NDRG1: variants seen among roughly 807,000 people sequenced by gnomAD.
The protein encoded by NDRG1 is protein NDRG1.
In NDRG1, 32 loss-of-function variants were observed where a neutral mutation model predicts 56.9. The ratio of observed to expected loss-of-function variants is 0.56; its 90% confidence interval spans 0.42 to 0.76. NDRG1 has a LOEUF of 0.76. Ranked by LOEUF, NDRG1 falls within the 30% of genes least tolerant of loss-of-function variation. NDRG1 has a pLI of 0.00. For synonymous variants in NDRG1, 211 were observed against 204.1 expected, an observed-to-expected ratio of 1.03 and a Z score of -0.29; for missense variants, 507 against 545.7, an observed-to-expected ratio of 0.93 and a Z score of 0.71.
At chr8:133,256,980 A>G (rs910188216) in intron 7 of NDRG1, 117 bp from the exon 8 acceptor site, 2 of 963,560 alleles carry the variant, frequency 2.1e-6, no homozygotes, top group African/African-American at 3.2e-5. Context: ...TGGGCAGCAG[A>G]GCAGGCTGCT....
intron 3 of NDRG1, chr8:133,265,018 G>A: frequency 2.9e-6 from 1 of 347,428 alleles, no homozygotes; most frequent in Non-Finnish European, 5.6e-6. Context: ...TGGCCCCACA[G>A]GTTACTGTAC....
chr8:133,296,797 G>T lies in NDRG1; in HGVS notation c.-19+337C>A, dbSNP rs538204324. On this transcript the variant is annotated intron_variant, in intron 1 of 15. Transcript: ENST00000323851. ...CTGCCAGCGGCGCCAGCTGGGATTCGGAGACGACGCCAGGAAACGCTATCC... is the reference window on the plus strand; with the variant it reads ...CTGCCAGCGGCGCCAGCTGGGATTCTGAGACGACGCCAGGAAACGCTATCC... 1.4e-3 allele frequency: 322 copies of T among 227,376 alleles called. 2 individuals carry two copies. Among genetic ancestry groups the T allele is most frequent in the Non-Finnish European group, 2.6e-3 (276 of 107,370 alleles). The allele number at this position is 227,376 out of a possible 1,614,324, so 14.1% of individuals were successfully genotyped here. A position where few individuals can be genotyped will look rare whatever the true frequency, so the allele number is the denominator to read the frequency against.
Position 133,280,226 on chromosome 8 carries a change from A to T in NDRG1, c.99+6T>A. ...AAGGGGAAGGAAAGCCACATCCTCT[A>T]CTTGCCTGGACATCAAACTCTTGCA... On this transcript the variant is annotated splice_donor_region_variant and intron_variant, in intron 3 of 15. Coordinates refer to ENST00000323851, the MANE Select transcript of NDRG1 (RefSeq NM_006096.4). 6.2e-7 allele frequency: 1 copy of T among 1,614,096 alleles called. No individual in the cohort carries two copies. Among genetic ancestry groups the T allele is most frequent in the Non-Finnish European group, 8.5e-7 (1 of 1,179,964 alleles).
In NDRG1 at chr8:133,239,136, C is replaced by T; in HGVS notation, c.944-17G>A. 3.2e-6 allele frequency: 5 copies of T among 1,551,762 alleles called. No homozygotes were observed. The highest frequency in any genetic ancestry group is 4.4e-6 in the Non-Finnish European group (5 of 1,147,350). On this transcript the variant is annotated splice_polypyrimidine_tract_variant and intron_variant, in intron 15 of 15. Coordinates refer to ENST00000323851, the MANE Select transcript of NDRG1 (RefSeq NM_006096.4). Reference sequence around the variant, plus strand: ...CCGAGGGCACTAGGGGAACAAGAGACAGCCGGTTAGAGGGCAGGAGACTGC... The same window carrying T: ...CCGAGGGCACTAGGGGAACAAGAGATAGCCGGTTAGAGGGCAGGAGACTGC...
At chr8:133,284,523 G>C (rs1263181960) in intron 1 of NDRG1, among the ~76,000 whole-genome samples, 194 bp from the exon 2 acceptor site, 2 of 152,158 alleles carry the variant, frequency 1.3e-5, no homozygotes, top group Non-Finnish European at 2.9e-5. Flanking sequence ...TCTTCCCATT[G>C]GGGCCAGCGC....
At chr8:133,254,647 A>G in intron 8 of NDRG1, 52 bp from the exon 9 acceptor site, 1 of 1,590,238 alleles carries the variant, frequency 6.3e-7, no homozygotes, top group East Asian at 2.2e-5. Flanking sequence ...ACAGTAGTTA[A>G]CAAGGTCAGC....
Position 133,250,444 on chromosome 8 carries a change from T to G in NDRG1, c.694A>C (p.Asn232His), listed in dbSNP as rs1227569374. 2 of 1,612,822 alleles carry G rather than the reference T, an allele frequency of 1.2e-6. No homozygotes were observed. Reference sequence around the variant, plus strand: ...GGCTGAACTACATCCCAATACCTGTTGTAGGCATTGATGAACAGGTGCAGG... The same window carrying G: ...GGCTGAACTACATCCCAATACCTGTGGTAGGCATTGATGAACAGGTGCAGG... ...GNLHLFINAY[N>H]SRRDLEIERP... Residue 232 changes from asparagine (N) to histidine (H), a missense_variant, in exon 10 of 16, where the codon AAC (asparagine) becomes CAC (histidine). Asn to His is a moderately conservative substitution (Grantham distance 68). Transcript: ENST00000323851.
chr8:133,295,792 T>C (rs1361553368), intron 1 of NDRG1, among the ~76,000 whole-genome samples: 3 of 152,196 alleles, frequency 2.0e-5, no homozygotes, highest in Non-Finnish European at 4.4e-5. Context: ...ACCGCCCTCC[T>C]GCCTGGCCAC....
Position 133,297,145 on chromosome 8 carries a change from G to C in NDRG1, c.-30C>G, listed in dbSNP as rs1017158175. On this transcript the variant is annotated 5_prime_UTR_variant, in exon 1 of 16. Transcript: ENST00000323851. ...GGGCGCGGGCTTACCTAACGCGAGGGAGAAAGGAAAGGACGGTGCCGAGGC... is the reference window on the plus strand; with the variant it reads ...GGGCGCGGGCTTACCTAACGCGAGGCAGAAAGGAAAGGACGGTGCCGAGGC... The C allele has an allele frequency of 2.6e-5, 4 of 152,506 alleles. No individual in the cohort carries two copies. Among genetic ancestry groups the C allele is most frequent in the Admixed American group, 6.5e-5 (1 of 15,316 alleles). The allele number at this position is 152,506 out of a possible 1,614,324, so 9.4% of individuals were successfully genotyped here. A position where few individuals can be genotyped will look rare whatever the true frequency, so the allele number is the denominator to read the frequency against.
chr8:133,280,345 T>C (rs1248234897), intron 2 of NDRG1, 78 bp from the exon 3 acceptor site: 3 of 1,388,446 alleles, frequency 2.2e-6, no homozygotes, highest in Middle Eastern at 1.8e-4. Flanking sequence ...TATGGGCCTT[T>C]CTATGACCTG....
rs535684670 is a variant in NDRG1, at chr8:133,258,384, G to A, written c.432C>T (p.Tyr144=). Residue 144 remains tyrosine (Y), a synonymous_variant, in exon 7 of 16, where the codon TAC becomes TAT. Coordinates refer to ENST00000323851, the MANE Select transcript of NDRG1 (RefSeq NM_006096.4). ...CACTCACAGCAAATCGAGTTAGGAT[G>A]TAGGCGCCTGCTCCTGTTCCCATGC... ...IIGMGTGAGA[Y]ILTRFALNNP... 3.1e-6 allele frequency: 5 copies of A among 1,612,146 alleles called. No homozygotes were observed. The African/African-American group carries it at 4.0e-5, about 13-fold the overall frequency.
At chr8:133,239,344 C>T in intron 15 of NDRG1, 1 of 695,526 alleles carries the variant, frequency 1.4e-6, no homozygotes, top group East Asian at 2.7e-5. Context: ...CCATGAGTGA[C>T]TTGAACCCAG....
chr8:133,295,450 G>T (rs371329960), intron 1 of NDRG1, among the ~76,000 whole-genome samples: 1 of 152,092 alleles, frequency 6.6e-6, no homozygotes, highest in Non-Finnish European at 1.5e-5. Flanking sequence ...CTTCATCCCC[G>T]ACACTGTGCC....
rs1460754347 is a variant in NDRG1 at position 133,256,827 on chromosome 8, T to A, written c.487A>T (p.Ile163Phe). The stretch of plus-strand genomic sequence containing the variant: ...CCTTCCGCACAAGGGTTCACGTTGA[T>A]AAGGACAAGGCCCTCCACCATCTCA... ...NPEMVEGLVLINVNPCAEGWM... is the reference protein window; with the variant it reads ...NPEMVEGLVLFNVNPCAEGWM... Residue 163 changes from isoleucine (I) to phenylalanine (F), a missense_variant, in exon 8 of 16, where the codon ATC becomes TTC. Ile to Phe is a conservative substitution (Grantham distance 21). Coordinates refer to ENST00000323851, the MANE Select transcript of NDRG1 (RefSeq NM_006096.4). The A allele has an allele frequency of 1.9e-6, 3 of 1,614,166 alleles. No homozygotes were observed. The highest frequency in any genetic ancestry group is 2.5e-6 in the Non-Finnish European group (3 of 1,180,018).
At chr8:133,268,361 C>A (rs1344351263) in intron 3 of NDRG1, among the ~76,000 whole-genome samples, 1 of 152,236 alleles carries the variant, frequency 6.6e-6, no homozygotes, top group Non-Finnish European at 1.5e-5. Context: ...TAACACTTCA[C>A]CCCAGCTCAT....
intron 3 of NDRG1, 121 bp downstream of exon 3, chr8:133,280,111 A>G (rs958994693): frequency 1.7e-6 from 2 of 1,210,954 alleles, no homozygotes; most frequent in African/African-American, 3.0e-5. Flanking sequence ...AGCTGAGACC[A>G]CTGCCTTCTC....
chr8:133,246,581 A>G (rs1302245933), intron 13 of NDRG1, 35 bp downstream of exon 13: 2 of 1,612,000 alleles, frequency 1.2e-6, no homozygotes, highest in Non-Finnish European at 1.7e-6. Flanking sequence ...TTTCTAAGAA[A>G]TAACAAACAC....
At chr8:133,247,956 C>T in intron 11 of NDRG1, 30 bp from the exon 12 acceptor site, 1 of 1,611,180 alleles carries the variant, frequency 6.2e-7, no homozygotes, top group Non-Finnish European at 8.5e-7. Flanking sequence ...AGAGAATTAG[C>T]ACAAGGTTCC....
intron 5 of NDRG1, among the ~76,000 whole-genome samples, chr8:133,259,689 T>A (rs924896915): frequency 3.7e-5 from 5 of 136,498 alleles, no homozygotes; most frequent in Non-Finnish European, 6.4e-5. Context: ...AAAACAGGCA[T>A]GAATGAGTTC....
Sources: gnomAD v4.1 joint callset for allele counts (sites outside exome capture counted in the v4.1 genomes callset) on GRCh38, gnomAD v4.1.1 for gene constraint, MANE v1.5 for transcripts, NCBI Gene and HGNC (gene_info 2026-07-23, HGNC 2026-07-21) for gene names.